The following KIF13A variants were observed in gnomAD, a reference collection of about 807,000 sequenced individuals.
KIF13A encodes the protein kinesin-like protein KIF13A.
Under a neutral mutation model 212.2 loss-of-function variants are expected in KIF13A, and 79 were observed. The observed-to-expected ratio is 0.37, with a 90% confidence interval of 0.31 to 0.45. KIF13A has a LOEUF of 0.45. Ranked by LOEUF, KIF13A falls within the 20% of genes least tolerant of loss-of-function variation. The pLI, the probability that KIF13A is intolerant of heterozygous loss-of-function variation, is 1.00. For missense variants in KIF13A, 1,901 were observed against 2,209.0 expected (o/e 0.86, Z 2.79); for synonymous variants, 789 against 808.6 (o/e 0.98, Z 0.41).
intron 2 of KIF13A, among the ~76,000 whole-genome samples, chr6:17,954,671 T>C (rs1778193333): frequency 6.6e-6 from 1 of 152,152 alleles, no homozygotes; most frequent in Non-Finnish European, 1.5e-5. Context: ...GATTTTTTGT[T>C]ATTGTTTATA....
chr6:17,767,254 A>AT (rs1759077347), intron 38 of KIF13A, among the ~76,000 whole-genome samples: 1 of 134,458 alleles, frequency 7.4e-6, no homozygotes, highest in Non-Finnish European at 1.6e-5. Context: ...ACTCAAAATT[A>AT]ATTTTTTTTT....
chr6:17,759,536 T>C (rs1758495227), downstream of KIF13A: 1 of 152,146 alleles, frequency 6.6e-6, no homozygotes, highest in African/African-American at 2.4e-5. Context: ...TCACAACACA[T>C]TTATAGCTGT....
intron 17 of KIF13A, among the ~76,000 whole-genome samples, chr6:17,810,954 G>A (rs9465073): frequency 0.4 from 60,624 of 152,030 alleles, 12,977 homozygotes; most frequent in East Asian, 0.6. Context: ...AACAGGCCAC[G>A]GACCCGTACC....
chr6:17,938,497 C>T (rs1002397337), intron 2 of KIF13A, among the ~76,000 whole-genome samples: 3 of 152,178 alleles, frequency 2.0e-5, no homozygotes, highest in African/African-American at 7.2e-5. Context: ...CTACCCTCTC[C>T]AGTTGCCCAG....
chr6:17,879,928 T>A (rs1196098197), intron 3 of KIF13A, among the ~76,000 whole-genome samples: 1 of 152,240 alleles, frequency 6.6e-6, no homozygotes, highest in Non-Finnish European at 1.5e-5. Context: ...TTCTCAAGAC[T>A]TATTCCTTGG....
In KIF13A at chr6:17,781,283, T is replaced by C. The variant is rs372713505; in HGVS notation, c.3563A>G (p.Asn1188Ser). 55 of 1,612,004 alleles carry C rather than the reference T, an allele frequency of 3.4e-5. No homozygotes were observed. The East Asian group carries it at 3.6e-4, about 10-fold the overall frequency. ...LDLNADDLSA[N>S]EQLVGPHASG... is the part of the protein sequence containing the mutation. ...TGCATGGGGGCCAACAAGCTGCTCA[T>C]TGGCACTGAGGTCATCCGCTAACCA... is the stretch of plus-strand genomic sequence containing the variant. Residue 1188 changes from asparagine to serine, a missense_variant, in exon 30 of 39, where the codon AAT (asparagine) becomes AGT (serine). Physicochemically the swap from Asn to Ser is conservative, Grantham distance 46 (BLOSUM62 1). Coordinates refer to ENST00000259711, the MANE Select transcript of KIF13A (RefSeq NM_022113.6).
intron 4 of KIF13A, among the ~76,000 whole-genome samples, chr6:17,858,101 GTGTGTGTGTGTGCATGCACGCA>G (rs1338151580): frequency 5.0e-5 from 7 of 138,864 alleles, no homozygotes; most frequent in Admixed American, 7.2e-5. Context: ...GTGTGTGTGT[GTGTGTGTGTGTGCATGCACGCA>G]TGTGTGTGTG....
intron 3 of KIF13A, among the ~76,000 whole-genome samples, chr6:17,880,725 C>T (rs962607264): frequency 3.3e-5 from 5 of 151,792 alleles, no homozygotes; most frequent in African/African-American, 1.2e-4. Context: ...ACCTCAAACT[C>T]CTGGGCTCAA....
At chr6:17,929,562 G>A (rs989345118) in intron 2 of KIF13A, among the ~76,000 whole-genome samples, 15 of 152,198 alleles carry the variant, frequency 9.9e-5, no homozygotes, top group South Asian at 4.1e-4. Flanking sequence ...CACCATGCCC[G>A]GCTAATTTTT....
At chr6:17,782,998 T>C (rs542119786) in intron 29 of KIF13A, among the ~76,000 whole-genome samples, 144 of 152,318 alleles carry the variant, frequency 9.5e-4, no homozygotes, top group African/African-American at 3.4e-3. Context: ...CCACCCTCCC[T>C]GTGTCTTCCA....
chr6:17,858,446 T>C (rs1310138321), intron 4 of KIF13A, among the ~76,000 whole-genome samples: 1 of 152,252 alleles, frequency 6.6e-6, no homozygotes, highest in Non-Finnish European at 1.5e-5. Context: ...TTTTATGTTA[T>C]AGTCAAGTAT....
chr6:17,822,040 C>T (rs1290147204), intron 16 of KIF13A: 8 of 615,904 alleles, frequency 1.3e-5, no homozygotes, highest in South Asian at 3.1e-5. Flanking sequence ...GGAAACATAA[C>T]TTCTTTTTTT....
In KIF13A at chr6:17,895,474, G is replaced by A. The variant is rs115379413; in HGVS notation, c.159+2694C>T. Among the ~76,000 whole-genome samples, 251 of 152,266 alleles carry A rather than the reference G, an allele frequency of 1.6e-3. 1 individual carries two copies. Among genetic ancestry groups the A allele is most frequent in the Non-Finnish European group, 1.5e-3 (100 of 68,016 alleles). On this transcript the variant is annotated intron_variant, in intron 3 of 38. Coordinates refer to ENST00000259711, the MANE Select transcript of KIF13A (RefSeq NM_022113.6). This position sits in a 1 kb window ranked among gnomAD's most constrained non-coding sequence, Gnocchi z 4.4. ...CAATTTTTGTGCTTGAGATTTCCTG[G>A]ATCATACAAATGGCTTGGAACCACA... is the stretch of plus-strand genomic sequence containing the variant.
In KIF13A at chr6:17,840,472, G is replaced by A. The variant is rs541710592; in HGVS notation, c.831-2889C>T. Among the ~76,000 whole-genome samples the A allele has an allele frequency of 2.0e-5, 3 of 151,948 alleles. No individual in the cohort carries two copies. The South Asian group carries it at 6.3e-4, about 32-fold the overall frequency. ...CCAGATATTTTACTATCTATGTGTG[G>A]CACATATTATTTTAATTCACACAAG... On this transcript the variant is annotated intron_variant, in intron 9 of 38. Transcript: ENST00000259711.
chr6:17,956,075 C>G (rs1778333455), intron 2 of KIF13A, among the ~76,000 whole-genome samples: 1 of 152,174 alleles, frequency 6.6e-6, no homozygotes, highest in Non-Finnish European at 1.5e-5. Context: ...AAGCAACGGA[C>G]TTAGGTTCAC....
intron 6 of KIF13A, among the ~76,000 whole-genome samples, chr6:17,853,482 C>G (rs1313794238): frequency 1.3e-5 from 2 of 152,072 alleles, no homozygotes; most frequent in Non-Finnish European, 2.9e-5. Context: ...ACTTACAATT[C>G]CACCCCTAGA....
intron 2 of KIF13A, among the ~76,000 whole-genome samples, chr6:17,938,296 C>T (rs1315311709): frequency 6.6e-6 from 1 of 151,990 alleles, no homozygotes; most frequent in Non-Finnish European, 1.5e-5. Flanking sequence ...TCAACAAAGA[C>T]AACAAAGACC....
At chr6:17,778,895 TG>T in intron 33 of KIF13A, 51 bp downstream of exon 33, 1 of 1,542,482 alleles carries the variant, frequency 6.5e-7, no homozygotes, top group Non-Finnish European at 8.8e-7. Context: ...ATCTGTCCAT[TG>T]GGGGTGAAGG....
At chr6:17,832,090 T>C (rs1765502546) in intron 12 of KIF13A, among the ~76,000 whole-genome samples, 1 of 152,136 alleles carries the variant, frequency 6.6e-6, no homozygotes. Flanking sequence ...GTGTGAACGA[T>C]ATCTATAAGA....
Sources: gnomAD v4.1 joint callset for allele counts (sites outside exome capture counted in the v4.1 genomes callset) on GRCh38, gnomAD v4.1.1 for gene constraint, Gnocchi (gnomAD v3.1) non-coding constraint, MANE v1.5 for transcripts, NCBI Gene and HGNC (gene_info 2026-07-23, HGNC 2026-07-21) for gene names.